Variants in SAMD11 observed in about 807,000 individuals in gnomAD.
SAMD11 encodes sterile alpha motif domain-containing protein 11.
Under a neutral mutation model 64.4 loss-of-function variants are expected in SAMD11, and 77 were observed. That is an observed-to-expected ratio of 1.20 (90% CI 0.99 to 1.44). The LOEUF (loss-of-function observed/expected upper bound fraction) is 1.44. Ranked by LOEUF, SAMD11 falls within the 40% of genes most tolerant of loss-of-function variation. The probability of loss-of-function intolerance (pLI) is 0.00; values close to 1 mark genes in which losing one functional copy is unlikely to be tolerated. For synonymous variants in SAMD11, 658 were observed against 421.9 expected, an observed-to-expected ratio of 1.56 and a Z score of -6.86; for missense variants, 1,402 against 943.3, an observed-to-expected ratio of 1.49 and a Z score of -6.37.
chr1:926,695 G>T (rs571823491), intron 2 of SAMD11, among the ~76,000 whole-genome samples: 2 of 152,244 alleles, frequency 1.3e-5, no homozygotes, highest in East Asian at 3.9e-4. Flanking sequence ...TTCTGCTCAG[G>T]GAGGCACCTG....
At position 935,863 on chromosome 1, in the gene SAMD11, A is replaced by T. The variant is rs1424123815; in HGVS notation, c.934A>T (p.Arg312Ter). Residue 312 changes from arginine (R) to a stop codon, truncating the protein, a stop_gained, in exon 5 of 14, where the codon AGA becomes TGA. Coordinates refer to ENST00000616016, the MANE Select transcript of SAMD11 (RefSeq NM_001385641.1). LOFTEE classifies it high-confidence loss of function. ...PEHQSRCEFQRGSLEIGLRPA... is the reference protein window; with the variant it reads ...PEHQSRCEFQ ...GCATCAGAGCCGCTGTGAATTCCAG[A>T]GAGGCAGCCTGGAGATTGGCCTGCG... 1 of 1,613,032 alleles carries T rather than the reference A, an allele frequency of 6.2e-7. No homozygotes were observed. Among genetic ancestry groups the T allele is most frequent in the Non-Finnish European group, 8.5e-7 (1 of 1,179,816 alleles).
At chr1:940,745 C>G (rs1024776433) in intron 7 of SAMD11, among the ~76,000 whole-genome samples, 5 of 152,172 alleles carry the variant, frequency 3.3e-5, no homozygotes, top group African/African-American at 1.2e-4. Flanking sequence ...ATGGGGACCT[C>G]AGATTTTCTT....
chr1:944,322 A>G lies in SAMD11; in HGVS notation c.*169A>G. 1 of 1,385,626 alleles carries G rather than the reference A, an allele frequency of 7.2e-7. No homozygotes were observed. Among genetic ancestry groups the G allele is most frequent in the Non-Finnish European group, 9.3e-7 (1 of 1,076,838 alleles). The allele number at this position is 1,385,626 out of a possible 1,614,324, so 85.8% of individuals were successfully genotyped here. A position where few individuals can be genotyped will look rare whatever the true frequency, so the allele number is the denominator to read the frequency against. ...GAACAAATTTTCAAAGACTTGGGGG[A>G]GTGAAGGCAGAGCCTGGTGCAGATG... is the stretch of plus-strand genomic sequence containing the variant. On this transcript the variant is annotated 3_prime_UTR_variant, in exon 14 of 14. Coordinates refer to ENST00000616016, the MANE Select transcript of SAMD11 (RefSeq NM_001385641.1).
In SAMD11 at chr1:939,467, A is replaced by C. The variant is rs370716248; in HGVS notation, c.1195+55A>C. The C allele has an allele frequency of 1.9e-6, 3 of 1,545,812 alleles. No homozygotes were observed. In the Admixed American group the frequency reaches 5.2e-5, roughly 27 times the overall value. ...CATCACCTCCCCAGCCACGGTGAGG[A>C]CCCACCCTGGCATGATCTCCCCTCA... On this transcript the variant is annotated intron_variant, in intron 7 of 13. Coordinates refer to ENST00000616016, the MANE Select transcript of SAMD11 (RefSeq NM_001385641.1).
rs1393581879 is a variant in SAMD11 at position 943,698 on chromosome 1, G to A, written c.2179G>A (p.Val727Ile). 1.3e-6 allele frequency: 2 copies of A among 1,571,696 alleles called. No homozygotes were observed. The highest frequency in any genetic ancestry group is 1.7e-6 in the Non-Finnish European group (2 of 1,157,212). Reference protein sequence around the residue: ...GLSGCGEYTRVFREQGIDGET... With the variant: ...GLSGCGEYTRIFREQGIDGET... The stretch of plus-strand genomic sequence containing the variant: ...GACCCTCCCTCCCTCCCCCTTCCAG[G>A]TCTTCAGGGAGCAGGGGATCGACGG... The change falls in exon 13 of 14, where the codon GTC becomes ATC. Residue 727 changes from valine to isoleucine, a missense_variant and splice_region_variant. Transcript: ENST00000616016.
chr1:930,165 G>A lies in SAMD11; in HGVS notation c.620G>A (p.Arg207Gln), dbSNP rs201186828. 5.0e-4 allele frequency: 780 copies of A among 1,556,490 alleles called. 8 individuals carry two copies. In the East Asian group the frequency reaches 0.014, roughly 27 times the overall value. ...CTCCTGCCCCACCAGAACCGGGGGC[G>A]GCTGGCAGACAAGAGGACAGTCGCC... ...CRISSPVNRG[R>Q]LADKRTVALP... The change falls in exon 3 of 14, where the codon CGG (arginine) becomes CAG (glutamine). Residue 207 changes from arginine (R) to glutamine (Q), a missense_variant. Arg to Gln is a conservative substitution (Grantham distance 43). Coordinates refer to ENST00000616016, the MANE Select transcript of SAMD11 (RefSeq NM_001385641.1).
At position 942,809 on chromosome 1, in the gene SAMD11, C is replaced by T. The variant is rs1336245334; in HGVS notation, c.1804C>T (p.Pro602Ser). The change falls in exon 11 of 14, where the codon CCT becomes TCT. Residue 602 changes from proline (P) to serine (S), a missense_variant. By Grantham distance (74) the Pro-to-Ser change is moderately conservative. Transcript: ENST00000616016. ...AGCCCCCCGGAAGGGGGGTCCCGGC[C>T]CTGCCTCAGCGCGGCCCAGCGAGTC... ...RRAPRKGGPG[P>S]ASARPSESKE... 2 of 1,547,042 alleles carry T rather than the reference C, an allele frequency of 1.3e-6. No homozygotes were observed. Among genetic ancestry groups the T allele is most frequent in the Non-Finnish European group, 1.7e-6 (2 of 1,145,870 alleles).
In SAMD11 at chr1:942,267, C is replaced by A; in HGVS notation, c.1474+16C>A. On this transcript the variant is annotated intron_variant, in intron 9 of 13. Coordinates refer to ENST00000616016, the MANE Select transcript of SAMD11 (RefSeq NM_001385641.1). ...CAGACCCCAGGTGAGGAGGCGGGTGCGCATCCCCTGGGAGCCCGCGTGGAG... is the reference window on the plus strand; with the variant it reads ...CAGACCCCAGGTGAGGAGGCGGGTGAGCATCCCCTGGGAGCCCGCGTGGAG... 1 of 1,106,028 alleles carries A rather than the reference C, an allele frequency of 9.0e-7. No individual in the cohort carries two copies. The highest frequency in any genetic ancestry group is 1.2e-6 in the Non-Finnish European group (1 of 829,474). 68.5% of individuals were successfully genotyped at this position (1,106,028 alleles called of 1,614,324 possible). A position where few individuals can be genotyped will look rare whatever the true frequency, so the allele number is the denominator to read the frequency against.
At position 942,463 on chromosome 1, in the gene SAMD11, C is replaced by G; in HGVS notation, c.1528C>G (p.Leu510Val). 6 of 1,487,836 alleles carry G rather than the reference C, an allele frequency of 4.0e-6. No individual in the cohort carries two copies. The highest frequency in any genetic ancestry group is 5.3e-6 in the Non-Finnish European group (6 of 1,125,458). 92.2% of individuals were successfully genotyped at this position (1,487,836 alleles called of 1,614,324 possible). ...GGAGATGTTCGCCTGGCAGCAGGAG[C>G]TCCTGCGGAAGCAGAACCTGGCCCG... ...QAEMFAWQQE[L>V]LRKQNLARLE... is the part of the protein sequence containing the mutation. Residue 510 changes from leucine to valine, a missense_variant, in exon 10 of 14, where the codon CTC (leucine) becomes GTC (valine). Physicochemically the swap from Leu to Val is conservative, Grantham distance 32. Transcript: ENST00000616016.
At position 942,240 on chromosome 1, in the gene SAMD11, G is replaced by C; in HGVS notation, c.1463G>C (p.Cys488Ser). 1 of 1,330,766 alleles carries C rather than the reference G, an allele frequency of 7.5e-7. No individual in the cohort carries two copies. 82.4% of individuals were successfully genotyped at this position (1,330,766 alleles called of 1,614,324 possible). ...PPFLGVPSALCQTPGYGFLPP... is the reference protein window; with the variant it reads ...PPFLGVPSALSQTPGYGFLPP... ...TTCCTGGGGGTGCCCTCGGCTCTGTGCCAGACCCCAGGTGAGGAGGCGGGT... is the reference window on the plus strand; with the variant it reads ...TTCCTGGGGGTGCCCTCGGCTCTGTCCCAGACCCCAGGTGAGGAGGCGGGT... Residue 488 changes from cysteine to serine, a missense_variant, in exon 9 of 14, where the codon TGC (cysteine) becomes TCC (serine). Cys to Ser is a moderately radical substitution (Grantham distance 112). Transcript: ENST00000616016.
rs758406403 is a variant in SAMD11, at chr1:939,069, T to TC, written c.1003dup (p.Arg335ProfsTer51). The TC allele has an allele frequency of 4.4e-6, 7 of 1,604,370 alleles. No individual in the cohort carries two copies. The highest frequency in any genetic ancestry group is 2.2e-5 in the East Asian group (1 of 44,606). ...CCTGTTGGGCAAGAGGCTGGGCCGC[T>TC]CCCCCCGTATCAGCAGCGACTGCTT... On this transcript the variant is annotated frameshift_variant, in exon 6 of 14. Coordinates refer to ENST00000616016, the MANE Select transcript of SAMD11 (RefSeq NM_001385641.1). LOFTEE classifies it high-confidence loss of function.
chr1:930,103 G>C, intron 2 of SAMD11, 52 bp from the exon 3 acceptor site: 4 of 1,518,906 alleles, frequency 2.6e-6, no homozygotes, highest in Non-Finnish European at 3.5e-6. Flanking sequence ...CTCTCCTCCT[G>C]CCCCACCTTC....
rs561771231 is a variant in SAMD11, at chr1:944,280, G to C, written c.*127G>C. On this transcript the variant is annotated 3_prime_UTR_variant, in exon 14 of 14. Coordinates refer to ENST00000616016, the MANE Select transcript of SAMD11 (RefSeq NM_001385641.1). ...AAAACAAAAAATTTTAAAAGAAAATGTGACTTCAAAGGAAAGGAACAAATT... is the reference window on the plus strand; with the variant it reads ...AAAACAAAAAATTTTAAAAGAAAATCTGACTTCAAAGGAAAGGAACAAATT... 2 of 1,435,314 alleles carry C rather than the reference G, an allele frequency of 1.4e-6. No homozygotes were observed. The highest frequency in any genetic ancestry group is 3.0e-5 in the Admixed American group (1 of 33,786). The allele number at this position is 1,435,314 out of a possible 1,614,324, so 88.9% of individuals were successfully genotyped here. A position where few individuals can be genotyped will look rare whatever the true frequency, so the allele number is the denominator to read the frequency against.
intron 5 of SAMD11, among the ~76,000 whole-genome samples, chr1:936,249 G>T (rs1396723848): frequency 6.6e-6 from 1 of 151,302 alleles, no homozygotes; most frequent in Admixed American, 6.6e-5. Flanking sequence ...CCGCCTCCTA[G>T]GGCTCCTGGA....
intron 7 of SAMD11, 116 bp from the exon 8 acceptor site, chr1:941,028 C>G: frequency 3.1e-6 from 3 of 971,004 alleles, no homozygotes; most frequent in South Asian, 3.3e-5. Context: ...GCCCAGGGGC[C>G]GAGCACGGCC....
At chr1:940,660 C>T (rs1187873757) in intron 7 of SAMD11, among the ~76,000 whole-genome samples, 1 of 152,098 alleles carries the variant, frequency 6.6e-6, no homozygotes, top group East Asian at 1.9e-4. Context: ...GACTGGGCGA[C>T]CCCTGTGCTA....
In SAMD11 at chr1:944,134, C is replaced by A; in HGVS notation, c.2516C>A (p.Pro839His). The A allele has an allele frequency of 6.3e-7, 1 of 1,577,336 alleles. No homozygotes were observed. The highest frequency in any genetic ancestry group is 1.2e-5 in the South Asian group (1 of 86,248). ...GCTCTACTTCCAGGGGCCCCCGACCCTTCCCAGCCTCTGTGTTGAGGTTGC... is the reference window on the plus strand; with the variant it reads ...GCTCTACTTCCAGGGGCCCCCGACCATTCCCAGCCTCTGTGTTGAGGTTGC... ...TLALLPGAPDPSQPLC is the reference protein window; with the variant it reads ...TLALLPGAPDHSQPLC Residue 839 changes from proline (P) to histidine (H), a missense_variant, in exon 14 of 14, where the codon CCT becomes CAT. Physicochemically the swap from Pro to His is moderately conservative, Grantham distance 77. Coordinates refer to ENST00000616016, the MANE Select transcript of SAMD11 (RefSeq NM_001385641.1).
At chr1:928,216 A>ACC (rs564213052) in intron 2 of SAMD11, among the ~76,000 whole-genome samples, 1 of 151,446 alleles carries the variant, frequency 6.6e-6, no homozygotes, top group Non-Finnish European at 1.5e-5. Flanking sequence ...ACACGGTGAA[A>ACC]CCCGTCTCTA....
At chr1:936,218 G>GCAGC (rs1415379410) in intron 5 of SAMD11, among the ~76,000 whole-genome samples, 1 of 152,130 alleles carries the variant, frequency 6.6e-6, no homozygotes, top group Non-Finnish European at 1.5e-5. Flanking sequence ...ACGCACTCCC[G>GCAGC]CAGCGCACGC....
Sources: gnomAD v4.1 joint callset for allele counts (sites outside exome capture counted in the v4.1 genomes callset) on GRCh38, gnomAD v4.1.1 for gene constraint, MANE v1.5 for transcripts, NCBI Gene and HGNC (gene_info 2026-07-23, HGNC 2026-07-21) for gene names.